The following GRIP1 variants were observed in gnomAD, a reference collection of about 807,000 sequenced individuals.
GRIP1 encodes the protein glutamate receptor interacting protein 1, also known as glutamate receptor-interacting protein 1.
Under a neutral mutation model 129.9 loss-of-function variants are expected in GRIP1, and 45 were observed. The ratio of observed to expected loss-of-function variants is 0.35; its 90% CI spans 0.27 to 0.44. The LOEUF is 0.44. GRIP1 is among the 20% of genes least tolerant of loss of function. The pLI, the probability that GRIP1 is intolerant of heterozygous loss-of-function variation, is 1.00. For missense variants in GRIP1, 1,196 were observed against 1,396.8 expected (o/e 0.86, Z 2.29); for synonymous variants, 530 against 520.8 (o/e 1.02, Z -0.24).
intron 1 of GRIP1, among the ~76,000 whole-genome samples, chr12:66,731,474 G>A (rs1264762048): frequency 2.0e-5 from 3 of 152,166 alleles, no homozygotes; most frequent in Non-Finnish European, 2.9e-5. Context: ...TAAGTAAGAT[G>A]TTATCCAGTT....
intron 1 of GRIP1, among the ~76,000 whole-genome samples, chr12:67,017,354 T>A (rs1312632007): frequency 6.6e-6 from 1 of 152,022 alleles, no homozygotes; most frequent in Non-Finnish European, 1.5e-5. Flanking sequence ...ATAAATTATA[T>A]AACCAGCCTT....
intron 16 of GRIP1, among the ~76,000 whole-genome samples, chr12:66,401,512 G>A (rs1293324897): frequency 6.6e-6 from 1 of 151,510 alleles, no homozygotes; most frequent in East Asian, 1.9e-4. Context: ...CTGGAAGGCG[G>A]AGGTTGCAGT....
chr12:66,699,811 C>T (rs932832295), intron 1 of GRIP1, among the ~76,000 whole-genome samples: 2 of 152,174 alleles, frequency 1.3e-5, no homozygotes, highest in African/African-American at 4.8e-5. Flanking sequence ...GGGACTTAAG[C>T]TGCTAATGTC....
rs551025976 is a variant in GRIP1 at position 66,530,947 on chromosome 12, T to C, written c.419-1033A>G. Among the ~76,000 whole-genome samples, 8 of 151,896 alleles carry C rather than the reference T, an allele frequency of 5.3e-5. No homozygotes were observed. The East Asian group carries it at 1.5e-3, about 29-fold the overall frequency. On this transcript the variant is annotated intron_variant, in intron 4 of 24. Transcript: ENST00000359742. Reference sequence around the variant, plus strand: ...TAGATAAAACTATCAGCAAAAAGTATACAGTCAGGCCAGGCGCGGTGGCTC... The same window carrying C: ...TAGATAAAACTATCAGCAAAAAGTACACAGTCAGGCCAGGCGCGGTGGCTC...
intron 1 of GRIP1, among the ~76,000 whole-genome samples, chr12:66,982,321 G>T (rs2042251085): frequency 6.6e-6 from 1 of 152,088 alleles, no homozygotes; most frequent in African/African-American, 2.4e-5. Flanking sequence ...CCTGTGGTAG[G>T]CAACTTCTAG....
chr12:66,740,546 AT>A (rs902502627), intron 1 of GRIP1, among the ~76,000 whole-genome samples: 26 of 152,356 alleles, frequency 1.7e-4, no homozygotes, highest in African/African-American at 6.3e-4. Context: ...CTTTTAACTC[AT>A]TAAAGATGTT....
intron 1 of GRIP1, among the ~76,000 whole-genome samples, chr12:66,938,808 T>A (rs1254322524): frequency 1.3e-5 from 2 of 151,952 alleles, no homozygotes; most frequent in African/African-American, 4.8e-5. Flanking sequence ...AATACAAAAA[T>A]TAGCCAGGCG....
chr12:66,372,502 C>A (rs1404106565), intron 22 of GRIP1, among the ~76,000 whole-genome samples: 1 of 152,164 alleles, frequency 6.6e-6, no homozygotes, highest in Non-Finnish European at 1.5e-5. Flanking sequence ...AGTTTGTAGA[C>A]CAGCTAAGTC....
intron 7 of GRIP1, among the ~76,000 whole-genome samples, chr12:66,504,897 G>A (rs965386066): frequency 7.2e-5 from 11 of 152,146 alleles, no homozygotes; most frequent in African/African-American, 2.7e-4. Context: ...CATTGGAGTT[G>A]CTCTAGCTGA....
chr12:66,861,819 T>C (rs749604050), intron 1 of GRIP1, among the ~76,000 whole-genome samples: 47 of 152,166 alleles, frequency 3.1e-4, no homozygotes, highest in Non-Finnish European at 3.7e-4. Flanking sequence ...TCAAAATTCT[T>C]TAGCACAAAT....
At chr12:66,409,652 T>C (rs1313245648) in intron 15 of GRIP1, among the ~76,000 whole-genome samples, 1 of 152,294 alleles carries the variant, frequency 6.6e-6, no homozygotes, top group South Asian at 2.1e-4. Flanking sequence ...TCCATGAGCA[T>C]CAAGACCATC....
intron 1 of GRIP1, among the ~76,000 whole-genome samples, chr12:66,953,931 T>C (rs1392523215): frequency 6.6e-6 from 1 of 152,120 alleles, no homozygotes; most frequent in African/African-American, 2.4e-5. Flanking sequence ...TGGTCTCCTG[T>C]TTAGCAGATT....
intron 2 of GRIP1, among the ~76,000 whole-genome samples, chr12:66,588,423 T>TATCC (rs1281771081): frequency 6.6e-6 from 1 of 152,122 alleles, no homozygotes; most frequent in East Asian, 1.9e-4. Context: ...AGTCTGTGAC[T>TATCC]TGGATGGACA....
Position 66,377,065 on chromosome 12 carries a change from T to C in GRIP1, c.2734-4A>G, listed in dbSNP as rs1184996319. On this transcript the variant is annotated splice_region_variant and splice_polypyrimidine_tract_variant and intron_variant, in intron 21 of 24. Transcript: ENST00000359742. ...ACACACGCCTGTCAGCTTTCTCCTG[T>C]GGAAAGGGTTAAAGCTTTTAAATGA... is the stretch of plus-strand genomic sequence containing the variant. 1.9e-6 allele frequency: 3 copies of C among 1,611,078 alleles called. No homozygotes were observed. Among genetic ancestry groups the C allele is most frequent in the South Asian group, 1.1e-5 (1 of 90,994 alleles).
chr12:66,776,875 C>T (rs905093010), intron 1 of GRIP1, among the ~76,000 whole-genome samples: 2 of 152,148 alleles, frequency 1.3e-5, no homozygotes, highest in African/African-American at 4.8e-5. Flanking sequence ...TTTTCAGAGG[C>T]AACTTGGCAT....
At chr12:66,648,833 A>G (rs1400476502) in intron 1 of GRIP1, among the ~76,000 whole-genome samples, 3 of 152,214 alleles carry the variant, frequency 2.0e-5, no homozygotes, top group Admixed American at 6.5e-5. Flanking sequence ...ATATCCACTT[A>G]GTTGCATGAA....
chr12:66,960,948 T>G lies in GRIP1; in HGVS notation c.58+108102A>C, dbSNP rs147202000. On this transcript the variant is annotated intron_variant, in intron 1 of 1. Transcript: ENST00000643019. The stretch of plus-strand genomic sequence containing the variant: ...TTAATCAGTAGTCAGCTCCCTCCCC[T>G]GTAAGGAAAGGGCCTGAGAAATAGA... 1.1e-3 allele frequency among the ~76,000 whole-genome samples: 157 copies of G among 145,858 alleles called. 2 individuals carry two copies. The East Asian group carries it at 0.028, about 26-fold the overall frequency.
At chr12:66,525,352 C>T (rs2061189363) in intron 5 of GRIP1, among the ~76,000 whole-genome samples, 1 of 152,002 alleles carries the variant, frequency 6.6e-6, no homozygotes, top group Admixed American at 6.6e-5. Context: ...GGGCTTCATC[C>T]CTGGGATGCA....
At chr12:66,914,805 G>C (rs1424768275) in intron 1 of GRIP1, among the ~76,000 whole-genome samples, 1 of 152,160 alleles carries the variant, frequency 6.6e-6, no homozygotes, top group Non-Finnish European at 1.5e-5. Flanking sequence ...AGATACTGTA[G>C]ATGAGTCTAA....
Sources: allele counts gnomAD v4.1 joint callset (sites outside exome capture counted in the v4.1 genomes callset), GRCh38; gene constraint gnomAD v4.1.1; transcripts MANE v1.5; gene names NCBI Gene and HGNC (gene_info 2026-07-23, HGNC 2026-07-21).